Variants in GFI1B observed in about 807,000 individuals in gnomAD.
GFI1B encodes the protein growth factor independent 1B transcriptional repressor, also known as zinc finger protein Gfi-1b.
GFI1B carries 20 observed loss-of-function variants against 35.3 expected under a neutral mutation model. The ratio of observed to expected loss-of-function variants is 0.57; its 90% confidence interval spans 0.40 to 0.82. The LOEUF is 0.82. GFI1B is among the 40% of genes least tolerant of loss of function. The pLI, the probability that GFI1B is intolerant of heterozygous loss-of-function variation, is 0.00. For synonymous variants in GFI1B, 178 were observed against 177.6 expected (o/e 1.00, Z -0.02); for missense variants, 430 against 446.3 (o/e 0.96, Z 0.33).
At chr9:132,947,312 C>T (rs1375987431) in intron 1 of GFI1B, 2 of 151,732 alleles carry the variant, frequency 1.3e-5, no homozygotes, top group African/African-American at 4.8e-5. Context: ...CAGCCCCAGG[C>T]CACAGCAGGT....
rs756385747 is a variant in GFI1B, at chr9:132,988,391, A to G, written c.433A>G (p.Ser145Gly). Residue 145 changes from serine to glycine, a missense_variant, in exon 4 of 7, where the codon AGC becomes GGC. Transcript: ENST00000372122. ...VSLYGSPLVPSTEPALDFSLR... is the reference protein window; with the variant it reads ...VSLYGSPLVPGTEPALDFSLR... ...CCTGTACGGCAGTCCTCTTGTGCCC[A>G]GCACTGAGCCCGCCTTGGACTTCAG... The G allele has an allele frequency of 6.2e-7, 1 of 1,614,142 alleles. No homozygotes were observed. The highest frequency in any genetic ancestry group is 1.7e-5 in the Admixed American group (1 of 60,024).
intron 1 of GFI1B, among the ~76,000 whole-genome samples, chr9:132,968,018 A>G (rs562242085): frequency 1.3e-5 from 2 of 152,184 alleles, no homozygotes; most frequent in African/African-American, 4.8e-5. Flanking sequence ...CTGATCTCAA[A>G]TGATCCACCT....
At chr9:132,957,697 T>A (rs143129727) in intron 1 of GFI1B, among the ~76,000 whole-genome samples, 45 of 152,046 alleles carry the variant, frequency 3.0e-4, no homozygotes, top group Non-Finnish European at 5.4e-4. Flanking sequence ...AGCATTTCAA[T>A]TCAGATATGA....
intron 1 of GFI1B, among the ~76,000 whole-genome samples, chr9:132,969,695 T>C (rs1564527376): frequency 6.6e-6 from 1 of 152,184 alleles, no homozygotes; most frequent in African/African-American, 2.4e-5. Context: ...AAAGGACTCT[T>C]TCCTGTTTTC....
At chr9:132,982,236 G>A (rs1206732054) in intron 1 of GFI1B, among the ~76,000 whole-genome samples, 5 of 152,244 alleles carry the variant, frequency 3.3e-5, no homozygotes, top group African/African-American at 1.2e-4. Context: ...CAAAAGGGAA[G>A]TTTAGAAATC....
intron 1 of GFI1B, among the ~76,000 whole-genome samples, chr9:132,949,266 G>A: frequency 1.2e-5 from 1 of 86,356 alleles, no homozygotes; most frequent in East Asian, 3.2e-4. Flanking sequence ...CAAACCCACA[G>A]ATACACACAC....
At chr9:132,965,023 A>G (rs1848429065) in intron 1 of GFI1B, among the ~76,000 whole-genome samples, 1 of 152,050 alleles carries the variant, frequency 6.6e-6, no homozygotes, top group Non-Finnish European at 1.5e-5. Context: ...TCAATAATTT[A>G]CTATGGCCCC....
intron 1 of GFI1B, among the ~76,000 whole-genome samples, chr9:132,967,943 G>A (rs1848473201): frequency 1.3e-5 from 2 of 151,960 alleles, no homozygotes; most frequent in African/African-American, 4.8e-5. Flanking sequence ...ACCACGCCCG[G>A]CTAATTTTTT....
chr9:132,954,122 G>C (rs1848245286), intron 1 of GFI1B, among the ~76,000 whole-genome samples: 1 of 151,696 alleles, frequency 6.6e-6, no homozygotes, highest in Non-Finnish European at 1.5e-5. Flanking sequence ...GTGTGTATTG[G>C]TCTGTCACCA....
chr9:132,969,842 C>T (rs1361036991), intron 1 of GFI1B, among the ~76,000 whole-genome samples: 1 of 152,176 alleles, frequency 6.6e-6, no homozygotes, highest in Non-Finnish European at 1.5e-5. Context: ...CTTTTCATCA[C>T]CCTGACTCTC....
intron 1 of GFI1B, among the ~76,000 whole-genome samples, chr9:132,955,232 T>G (rs1466968608): frequency 6.6e-6 from 1 of 152,214 alleles, no homozygotes; most frequent in Admixed American, 6.5e-5. Context: ...TACCCTCATT[T>G]TTTGAAAGAT....
intron 1 of GFI1B, among the ~76,000 whole-genome samples, chr9:132,981,723 G>T (rs373720576): frequency 6.6e-6 from 1 of 151,934 alleles, no homozygotes; most frequent in African/African-American, 2.4e-5. Flanking sequence ...ATTTTCCCCC[G>T]ACTCCTCCAC....
chr9:132,976,905 G>T (rs1237875758), upstream of GFI1B, among the ~76,000 whole-genome samples: 1 of 152,112 alleles, frequency 6.6e-6, no homozygotes, highest in Non-Finnish European at 1.5e-5. Context: ...TTGCAACACT[G>T]CACTCCAGTC....
chr9:132,966,932 T>C (rs560625749), intron 1 of GFI1B, among the ~76,000 whole-genome samples: 1 of 152,312 alleles, frequency 6.6e-6, no homozygotes, highest in South Asian at 2.1e-4. Context: ...GGCATTGCCA[T>C]GGGAATATGG....
chr9:132,946,463 G>C (rs1588399372), intron 1 of GFI1B: 1 of 152,294 alleles, frequency 6.6e-6, no homozygotes, highest in African/African-American at 2.4e-5. Context: ...CCAGAAACGG[G>C]TCCACCAAAC....
chr9:132,985,228 G>A (rs535001952), intron 1 of GFI1B, among the ~76,000 whole-genome samples: 1 of 152,196 alleles, frequency 6.6e-6, no homozygotes, highest in Non-Finnish European at 1.5e-5. Flanking sequence ...CATTCTGGGG[G>A]CCAGGCAGGG....
chr9:132,987,401 A>T lies in GFI1B; in HGVS notation c.220A>T (p.Arg74Trp), dbSNP rs1429729062. The change falls in exon 3 of 7, where the codon AGG becomes TGG. Residue 74 changes from arginine (R) to tryptophan (W), a missense_variant. By Grantham distance (101) the Arg-to-Trp change is moderately radical (BLOSUM62 -3). Transcript: ENST00000372122. ...GCTGGAGCAGGACCAGAACTTGGCC[A>T]GGATGGCCCCGGCACCAGGTACCCC... Reference protein sequence around the residue: ...PELEQDQNLARMAPAPEGPIV... With the variant: ...PELEQDQNLAWMAPAPEGPIV... 1 of 1,614,256 alleles carries T rather than the reference A, an allele frequency of 6.2e-7. No homozygotes were observed. Among genetic ancestry groups the T allele is most frequent in the East Asian group, 2.2e-5 (1 of 44,880 alleles).
intron 1 of GFI1B, among the ~76,000 whole-genome samples, chr9:132,983,892 C>T (rs1030452532): frequency 6.6e-6 from 1 of 152,210 alleles, no homozygotes; most frequent in African/African-American, 2.4e-5. Flanking sequence ...CCCAGTCCTT[C>T]CCTGCTCACT....
rs1489886164 is a variant in GFI1B, at chr9:132,983,018, TAG to T, written c.-20-3638_-20-3637del. Among the ~76,000 whole-genome samples the T allele has an allele frequency of 1.1e-4, 16 of 152,138 alleles. No homozygotes were observed. The South Asian group carries it at 2.9e-3, about 28-fold the overall frequency. The stretch of plus-strand genomic sequence containing the variant: ...GTGTCCTTGTTGTGGGGCCCAGGGT[TAG>T]AGTCAGTTGACCTGGGTTCTCCTTA... On this transcript the variant is annotated intron_variant, in intron 1 of 6. Transcript: ENST00000372122.
Sources: allele counts gnomAD v4.1 joint callset (sites outside exome capture counted in the v4.1 genomes callset), GRCh38; gene constraint gnomAD v4.1.1; transcripts MANE v1.5; gene names NCBI Gene and HGNC (gene_info 2026-07-23, HGNC 2026-07-21).